IFI44L: variants seen among roughly 807,000 people sequenced by gnomAD.
The protein encoded by IFI44L is interferon-induced protein 44-like.
Under a neutral mutation model 39.3 loss-of-function variants are expected in IFI44L, and 40 were observed. The observed-to-expected ratio is 1.02, with a 90% CI of 0.79 to 1.33. IFI44L has a LOEUF of 1.33. Ranked by LOEUF, IFI44L falls within the 40% of genes most tolerant of loss-of-function variation. The pLI, the probability that IFI44L is intolerant of heterozygous loss-of-function variation, is 0.00. For synonymous variants in IFI44L, 198 were observed against 182.3 expected (o/e 1.09, Z -0.69); for missense variants, 623 against 549.0 (o/e 1.13, Z -1.35).
chr1:78,630,859 G>A (rs779846731), intron 4 of IFI44L, among the ~76,000 whole-genome samples: 3 of 151,922 alleles, frequency 2.0e-5, no homozygotes, highest in African/African-American at 4.8e-5. Flanking sequence ...CCGTGGCAAG[G>A]TACGGCAGCA....
rs1385638969 is a variant in IFI44L at position 78,645,273 on chromosome 1, A to G, written c.*3464A>G. 1 of 152,180 alleles carries G rather than the reference A, an allele frequency of 6.6e-6. No individual in the cohort carries two copies. The highest frequency in any genetic ancestry group is 1.5e-5 in the Non-Finnish European group (1 of 68,038). The allele number at this position is 152,180 out of a possible 1,614,324, so 9.4% of individuals were successfully genotyped here. A position where few individuals can be genotyped will look rare whatever the true frequency, so the allele number is the denominator to read the frequency against. On this transcript the variant is annotated 3_prime_UTR_variant, in exon 9 of 9. Coordinates refer to ENST00000370751, the MANE Select transcript of IFI44L (RefSeq NM_006820.4). The stretch of plus-strand genomic sequence containing the variant: ...ATAACTGTTGCTAATAAGAATGTGT[A>G]TTGTTCAGGACAACTTGTCTCCATA...
chr1:78,643,158 C>CTTTTTTTTTTTTTTTTTTTTTTT lies in IFI44L; in HGVS notation c.*1351_*1352insTTTTTTTTTTTTTTTTTTTTTTT, dbSNP rs1303490900. The stretch of plus-strand genomic sequence containing the variant: ...ATAGATATTAAGAAAGCAAGAGTTT[C>CTTTTTTTTTTTTTTTTTTTTTTT]TTATGTCCAGTTATGGAATATTTCC... On this transcript the variant is annotated 3_prime_UTR_variant, in exon 9 of 9. Coordinates refer to ENST00000370751, the MANE Select transcript of IFI44L (RefSeq NM_006820.4). 2 of 151,636 alleles carry CTTTTTTTTTTTTTTTTTTTTTTT rather than the reference C, an allele frequency of 1.3e-5. No homozygotes were observed. Among genetic ancestry groups the CTTTTTTTTTTTTTTTTTTTTTTT allele is most frequent in the Admixed American group, 1.3e-4 (2 of 15,200 alleles). The allele number at this position is 151,636 out of a possible 1,614,324, so 9.4% of individuals were successfully genotyped here. A position where few individuals can be genotyped will look rare whatever the true frequency, so the allele number is the denominator to read the frequency against.
chr1:78,637,059 G>C lies in IFI44L; in HGVS notation c.904G>C (p.Glu302Gln), dbSNP rs780492495. ...QFNSRKPITPEHSTFITSPSL... is the reference protein window; with the variant it reads ...QFNSRKPITPQHSTFITSPSL... Reference sequence around the variant, plus strand: ...TAATTCCCGTAAACCAATTACACCTGAGCATTCTACTTTTATCACCTCTCC... The same window carrying C: ...TAATTCCCGTAAACCAATTACACCTCAGCATTCTACTTTTATCACCTCTCC... Residue 302 changes from glutamate (E) to glutamine (Q), a missense_variant, in exon 6 of 9, where the codon GAG becomes CAG. By Grantham distance (29) the Glu-to-Gln change is conservative (BLOSUM62 2). Transcript: ENST00000370751. 6.2e-7 allele frequency: 1 copy of C among 1,611,946 alleles called. No individual in the cohort carries two copies. Among genetic ancestry groups the C allele is most frequent in the Non-Finnish European group, 8.5e-7 (1 of 1,178,388 alleles).
At chr1:78,635,745 GT>G (rs1308333723) in intron 5 of IFI44L, 1 of 470,140 alleles carries the variant, frequency 2.1e-6, no homozygotes, top group East Asian at 4.1e-5. Flanking sequence ...GAGATAGTGT[GT>G]TTTTATCACT....
At chr1:78,622,839 A>G (rs1652326209) in intron 1 of IFI44L, among the ~76,000 whole-genome samples, 1 of 152,208 alleles carries the variant, frequency 6.6e-6, no homozygotes, top group African/African-American at 2.4e-5. Context: ...GAATTCTGCT[A>G]ACAACCATAG....
At chr1:78,622,175 A>T (rs1418391772) in intron 1 of IFI44L, among the ~76,000 whole-genome samples, 1 of 152,208 alleles carries the variant, frequency 6.6e-6, no homozygotes, top group Admixed American at 6.5e-5. Flanking sequence ...TAAAATGATG[A>T]GTGAGAACGT....
rs144952270 is a variant in IFI44L, at chr1:78,627,675, G to T, written c.-10-231G>T. On this transcript the variant is annotated intron_variant, in intron 1 of 8. Coordinates refer to ENST00000370751, the MANE Select transcript of IFI44L (RefSeq NM_006820.4). Reference sequence around the variant, plus strand: ...TTTTTCCTTTATTCAACTTTCTGAAGTTTGTCAATTGATTTAAAAATTTTA... The same window carrying T: ...TTTTTCCTTTATTCAACTTTCTGAATTTTGTCAATTGATTTAAAAATTTTA... 1,068 of 295,054 alleles carry T rather than the reference G, an allele frequency of 3.6e-3. 14 individuals are homozygous for T. Among genetic ancestry groups the T allele is most frequent in the African/African-American group, 0.021 (982 of 46,406 alleles). 18.3% of individuals were successfully genotyped at this position (295,054 alleles called of 1,614,324 possible).
At position 78,641,620 on chromosome 1, in the gene IFI44L, C is replaced by T. The variant is rs41312646; in HGVS notation, c.1324+11C>T. On this transcript the variant is annotated intron_variant, in intron 8 of 8. Coordinates refer to ENST00000370751, the MANE Select transcript of IFI44L (RefSeq NM_006820.4). ...CTCTTGAGGAAACTGGTAATCTGGC[C>T]CTTTTCTCCCCCTGTCATAGATCAC... The T allele has an allele frequency of 5.9e-3, 9,485 of 1,612,702 alleles. 38 individuals carry two copies. Among genetic ancestry groups the T allele is most frequent in the Non-Finnish European group, 6.8e-3 (8,026 of 1,178,936 alleles).
At chr1:78,625,092 A>G (rs901384407) in intron 1 of IFI44L, among the ~76,000 whole-genome samples, 3 of 145,408 alleles carry the variant, frequency 2.1e-5, no homozygotes, top group African/African-American at 7.6e-5. Context: ...TTGGTTTGCT[A>G]ATATTTTGCT....
In IFI44L at chr1:78,635,327, T is replaced by C. The variant is rs1467491563; in HGVS notation, c.724-10T>C. 1.9e-6 allele frequency: 3 copies of C among 1,568,890 alleles called. No homozygotes were observed. The Admixed American group carries it at 5.2e-5, about 27-fold the overall frequency. On this transcript the variant is annotated splice_polypyrimidine_tract_variant and intron_variant, in intron 4 of 8. Transcript: ENST00000370751. ...AATGAACCTTTACACTTAATGTATT[T>C]TTTTAACAGTATAGGATATATTCTG...
At chr1:78,637,337 A>T in intron 6 of IFI44L, 134 bp downstream of exon 6, 1 of 639,762 alleles carries the variant, frequency 1.6e-6, no homozygotes, top group South Asian at 2.1e-5. Context: ...TCGGAGGGAG[A>T]GATCATTCAC....
In IFI44L at chr1:78,644,933, AT is replaced by A. The variant is rs1482189187; in HGVS notation, c.*3125del. ...GTAGCTTTGTGCAAACTCACCCACCATCTACCTCAATAAAATATAGAGAAAA... is the reference window on the plus strand; with the variant it reads ...GTAGCTTTGTGCAAACTCACCCACCACTACCTCAATAAAATATAGAGAAAA... On this transcript the variant is annotated 3_prime_UTR_variant, in exon 9 of 9. Coordinates refer to ENST00000370751, the MANE Select transcript of IFI44L (RefSeq NM_006820.4). The A allele has an allele frequency of 1.3e-5, 2 of 152,220 alleles. No individual in the cohort carries two copies. The highest frequency in any genetic ancestry group is 4.8e-5 in the African/African-American group (2 of 41,460). 9.4% of individuals were successfully genotyped at this position (152,220 alleles called of 1,614,324 possible).
chr1:78,644,133 G>A lies in IFI44L; in HGVS notation c.*2324G>A, dbSNP rs555246645. 5 of 152,216 alleles carry A rather than the reference G, an allele frequency of 3.3e-5. No homozygotes were observed. Among genetic ancestry groups the A allele is most frequent in the Non-Finnish European group, 5.9e-5 (4 of 68,018 alleles). 9.4% of individuals were successfully genotyped at this position (152,216 alleles called of 1,614,324 possible). A position where few individuals can be genotyped will look rare whatever the true frequency, so the allele number is the denominator to read the frequency against. ...GTTGGGAGACTGAAGGTGATTGAAG[G>A]TTCACCATCATCCTCACCAACTTTT... is the stretch of plus-strand genomic sequence containing the variant. On this transcript the variant is annotated 3_prime_UTR_variant, in exon 9 of 9. Coordinates refer to ENST00000370751, the MANE Select transcript of IFI44L (RefSeq NM_006820.4).
intron 3 of IFI44L, 122 bp downstream of exon 3, chr1:78,629,121 A>G (rs981643145): frequency 1.4e-5 from 10 of 701,448 alleles, no homozygotes; most frequent in Non-Finnish European, 2.3e-5. Context: ...AAGAGTTATA[A>G]TGTTATTGAC....
chr1:78,631,855 G>A (rs1044886432), intron 4 of IFI44L, among the ~76,000 whole-genome samples: 1 of 151,884 alleles, frequency 6.6e-6, no homozygotes, highest in Non-Finnish European at 1.5e-5. Flanking sequence ...TTACCTGTTG[G>A]CACATTAGTA....
In IFI44L at chr1:78,629,823, TC is replaced by T. The variant is rs1652676170; in HGVS notation, c.633del (p.Ser212ValfsTer14). ...LLVGPVGSGK[S>X]SFFNSVKSIF... is the part of the protein sequence containing the mutation. Reference sequence around the variant, plus strand: ...GGTGGGTCCAGTTGGGTCTGGAAAGTCCAGTTTTTTCAATTCAGTCAAGTCT... The same window carrying T: ...GGTGGGTCCAGTTGGGTCTGGAAAGTCAGTTTTTTCAATTCAGTCAAGTCT... On this transcript the variant is annotated frameshift_variant, in exon 4 of 9. Transcript: ENST00000370751. LOFTEE classifies it high-confidence loss of function. 6.2e-7 allele frequency: 1 copy of T among 1,613,816 alleles called. No homozygotes were observed. Among genetic ancestry groups the T allele is most frequent in the African/African-American group, 1.3e-5 (1 of 75,028 alleles).
rs1297433463 is a variant in IFI44L at position 78,622,901 on chromosome 1, T to C, written c.-11+2330T>C. ...TTAAACATTCAGAAGAGTCTGCAGC[T>C]GTGGCTCGCACTTTGATAACTGCCT... is the stretch of plus-strand genomic sequence containing the variant. On this transcript the variant is annotated intron_variant, in intron 1 of 8. Transcript: ENST00000370751. Among the ~76,000 whole-genome samples the C allele has an allele frequency of 2.6e-5, 4 of 152,354 alleles. No individual in the cohort carries two copies. In the East Asian group the frequency reaches 7.7e-4, roughly 29 times the overall value.
intron 6 of IFI44L, among the ~76,000 whole-genome samples, chr1:78,639,783 G>A (rs1037790215): frequency 6.6e-6 from 1 of 152,048 alleles, no homozygotes; most frequent in Non-Finnish European, 1.5e-5. Flanking sequence ...AATTGTTGGG[G>A]CATTTATACT....
At chr1:78,627,802 A>G (rs1652547185) in intron 1 of IFI44L, 104 bp from the exon 2 acceptor site, 1 of 543,102 alleles carries the variant, frequency 1.8e-6, no homozygotes, top group Non-Finnish European at 2.8e-6. Context: ...ATGTGTTTTA[A>G]TTGAGTCAGT....
Sources: allele counts gnomAD v4.1 joint callset (sites outside exome capture counted in the v4.1 genomes callset), GRCh38; gene constraint gnomAD v4.1.1; transcripts MANE v1.5; gene names NCBI Gene and HGNC (gene_info 2026-07-23, HGNC 2026-07-21).